INPP5D: variants seen among roughly 807,000 people sequenced by gnomAD.
INPP5D encodes the protein inositol polyphosphate-5-phosphatase D.
Under a neutral mutation model 122.9 loss-of-function variants are expected in INPP5D, and 33 were observed. The ratio of observed to expected loss-of-function variants is 0.27; its 90% confidence interval spans 0.20 to 0.36. INPP5D has a LOEUF of 0.36. Ranked by LOEUF, INPP5D falls within the 10% of genes least tolerant of loss-of-function variation. The pLI is 1.00. For synonymous variants in INPP5D, 584 were observed against 576.2 expected, an observed-to-expected ratio of 1.01 and a Z score of -0.19; for missense variants, 1,053 against 1,412.7, an observed-to-expected ratio of 0.75 and a Z score of 4.08.
At chr2:233,174,108 G>T (rs1309173142) in intron 17 of INPP5D, among the ~76,000 whole-genome samples, 1 of 152,220 alleles carries the variant, frequency 6.6e-6, no homozygotes, top group Non-Finnish European at 1.5e-5. Context: ...CCTCCTGAAG[G>T]ACCTGCCTGA....
Position 233,198,209 on chromosome 2 carries a change from C to G in INPP5D, c.2808C>G (p.Asp936Glu), listed in dbSNP as rs1162664504. 1.9e-6 allele frequency: 3 copies of G among 1,613,586 alleles called. No individual in the cohort carries two copies. The Admixed American group carries it at 5.0e-5, about 27-fold the overall frequency. ...PLHVKQTLSP[D>E]QQPTAWSYDQ... is the part of the protein sequence containing the mutation. ...ACGTGAAGCAGACCTTGTCCCCTGACCAGCAGCCCACAGCCTGGAGCTACG... is the reference window on the plus strand; with the variant it reads ...ACGTGAAGCAGACCTTGTCCCCTGAGCAGCAGCCCACAGCCTGGAGCTACG... Residue 936 changes from aspartate (D) to glutamate (E), a missense_variant, in exon 25 of 27, where the codon GAC (aspartate) becomes GAG (glutamate). Physicochemically the swap from Asp to Glu is conservative, Grantham distance 45 (BLOSUM62 2). Transcript: ENST00000445964.
intron 17 of INPP5D, among the ~76,000 whole-genome samples, chr2:233,172,541 G>A (rs13408647): frequency 0.2 from 30,907 of 151,982 alleles, 3,347 homozygotes; most frequent in East Asian, 0.39. Flanking sequence ...GATTGCCATT[G>A]ATAAAAACTG....
At chr2:233,132,629 T>G (rs750350159) in intron 5 of INPP5D, among the ~76,000 whole-genome samples, 1 of 152,182 alleles carries the variant, frequency 6.6e-6, no homozygotes, top group Non-Finnish European at 1.5e-5. Flanking sequence ...GCTTCCCATT[T>G]CTCCTGCCAG....
rs140102880 is a variant in INPP5D, at chr2:233,174,899, G to A, written c.1990-2366G>A. Among the ~76,000 whole-genome samples, 306 of 151,916 alleles carry A rather than the reference G, an allele frequency of 2.0e-3. 4 individuals carry two copies. The East Asian group carries it at 0.035, about 17-fold the overall frequency. ...TAATTCCGCTTTGGTGTGTGTTCAAGAGAAATTTGTATATTTGTTCACCAA... is the reference window on the plus strand; with the variant it reads ...TAATTCCGCTTTGGTGTGTGTTCAAAAGAAATTTGTATATTTGTTCACCAA... On this transcript the variant is annotated intron_variant, in intron 17 of 26. Coordinates refer to ENST00000445964, the MANE Select transcript of INPP5D (RefSeq NM_001017915.3).
chr2:233,071,679 G>A (rs191086668), intron 1 of INPP5D, among the ~76,000 whole-genome samples: 1 of 152,156 alleles, frequency 6.6e-6, no homozygotes, highest in African/African-American at 2.4e-5. Context: ...GGTTGTCCCT[G>A]TTATTTTAAA....
intron 6 of INPP5D, among the ~76,000 whole-genome samples, chr2:233,141,781 A>C (rs982703936): frequency 6.6e-6 from 1 of 152,122 alleles, no homozygotes; most frequent in African/African-American, 2.4e-5. Context: ...GAAGGATTTA[A>C]ACCCAAAGGG....
chr2:233,206,813 T>C lies in INPP5D; in HGVS notation c.*105T>C. On this transcript the variant is annotated 3_prime_UTR_variant, in exon 27 of 27. Transcript: ENST00000445964. The surrounding 1 kb of genome is among the most constrained non-coding windows in gnomAD (Gnocchi z 4.0). ...CTGGCTCCTCCTGCCCAGCTTCCTA[T>C]GCAAGGCTTTGTGTTTTCAGGAAAG... 1.4e-6 allele frequency: 1 copy of C among 712,566 alleles called. No homozygotes were observed. The highest frequency in any genetic ancestry group is 2.6e-6 in the Non-Finnish European group (1 of 381,622). The allele number at this position is 712,566 out of a possible 1,614,324, so 44.1% of individuals were successfully genotyped here. A position where few individuals can be genotyped will look rare whatever the true frequency, so the allele number is the denominator to read the frequency against.
chr2:233,161,299 T>C (rs1029214068), intron 10 of INPP5D, among the ~76,000 whole-genome samples: 1 of 151,442 alleles, frequency 6.6e-6, no homozygotes, highest in Non-Finnish European at 1.5e-5. Context: ...ACCATGTTGG[T>C]CAGGCTGGTC....
At chr2:233,152,441 G>C (rs990047237) in intron 9 of INPP5D, among the ~76,000 whole-genome samples, 1 of 152,168 alleles carries the variant, frequency 6.6e-6, no homozygotes, top group Non-Finnish European at 1.5e-5. Flanking sequence ...GGATGCGAAG[G>C]TGAACCAGCC....
intron 5 of INPP5D, among the ~76,000 whole-genome samples, chr2:233,133,609 G>A (rs976117657): frequency 2.6e-5 from 4 of 152,178 alleles, no homozygotes; most frequent in Admixed American, 1.3e-4. Context: ...ATATACTCAT[G>A]CTAATAGATT....
rs777393014 is a variant in INPP5D at position 233,125,768 on chromosome 2, G to A, written c.373G>A (p.Glu125Lys). Residue 125 changes from glutamate to lysine, a missense_variant, in exon 4 of 27, where the codon GAG becomes AAG. By Grantham distance (56) the Glu-to-Lys change is moderately conservative. Coordinates refer to ENST00000445964, the MANE Select transcript of INPP5D (RefSeq NM_001017915.3). Reference protein sequence around the residue: ...DTVESVVSPPELPPRNIPLTA... With the variant: ...DTVESVVSPPKLPPRNIPLTA... ...AGTAGAAAGTGTCGTGTCTCCACCCGAGCTGCCCCCAAGAAACATCCCGCT... is the reference window on the plus strand; with the variant it reads ...AGTAGAAAGTGTCGTGTCTCCACCCAAGCTGCCCCCAAGAAACATCCCGCT... 1.7e-5 allele frequency: 27 copies of A among 1,613,508 alleles called. No homozygotes were observed. The Admixed American group carries it at 2.3e-4, about 14-fold the overall frequency.
intron 2 of INPP5D, among the ~76,000 whole-genome samples, chr2:233,114,252 C>T (rs548869060): frequency 6.6e-6 from 1 of 152,326 alleles, no homozygotes; most frequent in Admixed American, 6.5e-5. Flanking sequence ...CTGCCAGGCC[C>T]CAAGGGCCCA....
At position 233,060,362 on chromosome 2, in the gene INPP5D, C is replaced by T; in HGVS notation, c.-117C>T. On this transcript the variant is annotated 5_prime_UTR_variant, in exon 1 of 27. Coordinates refer to ENST00000445964, the MANE Select transcript of INPP5D (RefSeq NM_001017915.3). Reference sequence around the variant, plus strand: ...CAGTCAGTTAAGCTGGTGGCAGCAGCCGAGGCCACCAAGAGGCAACGGGCG... The same window carrying T: ...CAGTCAGTTAAGCTGGTGGCAGCAGTCGAGGCCACCAAGAGGCAACGGGCG... 1 of 1,225,230 alleles carries T rather than the reference C, an allele frequency of 8.2e-7. No homozygotes were observed. Among genetic ancestry groups the T allele is most frequent in the South Asian group, 1.5e-5 (1 of 65,620 alleles). 75.9% of individuals were successfully genotyped at this position (1,225,230 alleles called of 1,614,324 possible).
At chr2:233,076,690 A>G (rs1691529502) in intron 1 of INPP5D, among the ~76,000 whole-genome samples, 1 of 152,248 alleles carries the variant, frequency 6.6e-6, no homozygotes, top group African/African-American at 2.4e-5. Context: ...TAAGCAAAAA[A>G]TGATACCAAA....
At chr2:233,145,056 G>A (rs1693723052) in intron 6 of INPP5D, among the ~76,000 whole-genome samples, 2 of 152,094 alleles carry the variant, frequency 1.3e-5, no homozygotes, top group Non-Finnish European at 2.9e-5. Context: ...AGCCATACAT[G>A]TGTCTGATTT....
At chr2:233,141,562 A>G (rs2106274513) in intron 6 of INPP5D, 1 of 143,746 alleles carries the variant, frequency 7.0e-6, no homozygotes, top group East Asian at 2.0e-4. Context: ...GTGAGACTCC[A>G]TCTCCATCTA....
intron 2 of INPP5D, among the ~76,000 whole-genome samples, chr2:233,094,882 C>T (rs1407648788): frequency 1.3e-5 from 2 of 152,182 alleles, no homozygotes; most frequent in African/African-American, 4.8e-5. Context: ...CTATCAACAT[C>T]CGTAATGTCT....
chr2:233,104,839 A>G (rs1181838166), intron 2 of INPP5D, among the ~76,000 whole-genome samples: 2 of 152,110 alleles, frequency 1.3e-5, no homozygotes, highest in African/African-American at 4.8e-5. Context: ...TGGTACCAGT[A>G]ATTCATGAAA....
intron 5 of INPP5D, among the ~76,000 whole-genome samples, chr2:233,136,903 A>G (rs925424534): frequency 2.0e-5 from 3 of 152,278 alleles, no homozygotes; most frequent in South Asian, 2.1e-4. Context: ...AATAGTGTAC[A>G]GTTATGTAGC....
Sources: allele counts gnomAD v4.1 joint callset (sites outside exome capture counted in the v4.1 genomes callset), GRCh38; gene constraint gnomAD v4.1.1; non-coding constraint Gnocchi (gnomAD v3.1); transcripts MANE v1.5; gene names NCBI Gene and HGNC (gene_info 2026-07-23, HGNC 2026-07-21).